SH3RF1: variants seen among roughly 807,000 people sequenced by gnomAD.
SH3RF1 encodes SH3 domain containing ring finger 1.
A neutral mutation model predicts 74.0 loss-of-function variants in SH3RF1; 32 were observed. The ratio of observed to expected loss-of-function variants is 0.43; its 90% CI spans 0.33 to 0.58. The LOEUF (loss-of-function observed/expected upper bound fraction) is 0.58, where lower values mean the gene tolerates loss of function less well. SH3RF1 is among the 20% of genes least tolerant of loss of function. The pLI is 0.05. For synonymous variants in SH3RF1, 396 were observed against 439.6 expected (o/e 0.90, Z 1.24); for missense variants, 954 against 1,130.9 (o/e 0.84, Z 2.24).
Position 169,112,098 on chromosome 4 carries a change from C to T in SH3RF1, c.2139+4171G>A, listed in dbSNP as rs1032118873. 1.2e-4 allele frequency among the ~76,000 whole-genome samples: 18 copies of T among 152,120 alleles called. 1 individual carries two copies. The highest frequency in any genetic ancestry group is 4.3e-4 in the African/African-American group (18 of 41,432). ...AGAGAAAAGGAGGGGGCAATAGACA[C>T]GCTATCATGTGGGAGATGTACCATG... On this transcript the variant is annotated intron_variant, in intron 10 of 11. Coordinates refer to ENST00000284637, the MANE Select transcript of SH3RF1 (RefSeq NM_020870.4).
chr4:169,131,748 G>A (rs1314130890), intron 5 of SH3RF1, among the ~76,000 whole-genome samples: 21 of 152,224 alleles, frequency 1.4e-4, no homozygotes. Context: ...GTTGCTTTCT[G>A]TAACCAATCA....
At chr4:169,256,305 A>AG (rs1357963564) in intron 2 of SH3RF1, among the ~76,000 whole-genome samples, 2 of 151,342 alleles carry the variant, frequency 1.3e-5, no homozygotes, top group African/African-American at 4.8e-5. Flanking sequence ...GAGGAAGGGA[A>AG]GGAGGAAGGA....
chr4:169,146,056 TATA>T (rs577945380), intron 4 of SH3RF1, among the ~76,000 whole-genome samples: 4 of 86,452 alleles, frequency 4.6e-5, no homozygotes, highest in African/African-American at 2.0e-4. Context: ...TATAAAATAT[TATA>T]TATTCTATAT....
At chr4:169,224,766 T>C (rs1453948988) in intron 2 of SH3RF1, among the ~76,000 whole-genome samples, 2 of 152,174 alleles carry the variant, frequency 1.3e-5, no homozygotes, top group African/African-American at 4.8e-5. Context: ...TGCTCAGATG[T>C]AATAAGATGA....
intron 2 of SH3RF1, among the ~76,000 whole-genome samples, chr4:169,229,362 A>G (rs1730697909): frequency 6.6e-6 from 1 of 152,152 alleles, no homozygotes; most frequent in Non-Finnish European, 1.5e-5. Flanking sequence ...TCTTCAAAAC[A>G]GCAATCTAAA....
chr4:169,263,891 CCTGT>C (rs1464385124), intron 2 of SH3RF1, among the ~76,000 whole-genome samples: 4 of 152,192 alleles, frequency 2.6e-5, no homozygotes, highest in Non-Finnish European at 4.4e-5. Flanking sequence ...TTATAACATG[CCTGT>C]CTATTTTAAG....
intron 10 of SH3RF1, among the ~76,000 whole-genome samples, chr4:169,111,600 TATATAC>T (rs1359291662): frequency 6.6e-6 from 1 of 151,972 alleles, no homozygotes; most frequent in African/African-American, 2.4e-5. Context: ...CAATAAAACA[TATATAC>T]ATATACATAA....
Position 169,224,613 on chromosome 4 carries a change from C to T in SH3RF1, c.393+44207G>A, listed in dbSNP as rs376631943. 2.8e-3 allele frequency among the ~76,000 whole-genome samples: 421 copies of T among 152,324 alleles called. 2 individuals carry two copies. The highest frequency in any genetic ancestry group is 9.5e-3 in the African/African-American group (395 of 41,568). On this transcript the variant is annotated intron_variant, in intron 2 of 11. Transcript: ENST00000284637. ...GATTACAGGCGTGAACCACCACCAC[C>T]GACCTCTAATTTCTATCTTTAAAAA...
intron 2 of SH3RF1, among the ~76,000 whole-genome samples, chr4:169,226,341 A>T (rs1264012450): frequency 1.3e-5 from 2 of 152,228 alleles, no homozygotes; most frequent in Non-Finnish European, 2.9e-5. Context: ...GCAAATTCAT[A>T]AATCAAAAGC....
At chr4:169,140,764 T>G (rs1379207144) in intron 4 of SH3RF1, among the ~76,000 whole-genome samples, 1 of 152,134 alleles carries the variant, frequency 6.6e-6, no homozygotes, top group Non-Finnish European at 1.5e-5. Flanking sequence ...AAGAACTAAG[T>G]TGAATAGTTA....
chr4:169,115,842 C>T (rs1448357425), intron 10 of SH3RF1, among the ~76,000 whole-genome samples: 1 of 152,104 alleles, frequency 6.6e-6, no homozygotes, highest in Non-Finnish European at 1.5e-5. Flanking sequence ...CCCCCTCACA[C>T]ATATATATTT....
At chr4:169,221,350 G>A (rs1730561201) in intron 2 of SH3RF1, among the ~76,000 whole-genome samples, 1 of 152,018 alleles carries the variant, frequency 6.6e-6, no homozygotes, top group South Asian at 2.1e-4. Flanking sequence ...TGTGATAGAC[G>A]ATCAACCAGC....
intron 2 of SH3RF1, among the ~76,000 whole-genome samples, chr4:169,245,645 A>T (rs1427392944): frequency 6.6e-6 from 1 of 152,254 alleles, no homozygotes; most frequent in African/African-American, 2.4e-5. Flanking sequence ...TAGCAATGAT[A>T]GTAAACCTCA....
At chr4:169,146,385 A>G (rs1349421467) in intron 4 of SH3RF1, among the ~76,000 whole-genome samples, 1 of 151,412 alleles carries the variant, frequency 6.6e-6, no homozygotes, top group African/African-American at 2.4e-5. Flanking sequence ...GCATGCCACC[A>G]CGCCCAGCTT....
intron 4 of SH3RF1, among the ~76,000 whole-genome samples, chr4:169,143,280 T>G (rs1454704972): frequency 6.6e-6 from 1 of 152,210 alleles, no homozygotes; most frequent in Non-Finnish European, 1.5e-5. Context: ...GCCCAATGTA[T>G]CTACACTATG....
chr4:169,207,549 G>T (rs1730281279), intron 2 of SH3RF1, among the ~76,000 whole-genome samples: 1 of 152,062 alleles, frequency 6.6e-6, no homozygotes, highest in South Asian at 2.1e-4. Flanking sequence ...ATTACACTCT[G>T]GCCTCTGAAT....
At chr4:169,234,806 TTGGCACTAC>T (rs1305278948) in intron 2 of SH3RF1, among the ~76,000 whole-genome samples, 1 of 152,228 alleles carries the variant, frequency 6.6e-6, no homozygotes, top group African/African-American at 2.4e-5. Flanking sequence ...TTTCTCAGTC[TTGGCACTAC>T]TGACATTTGG....
Position 169,095,943 on chromosome 4 carries a change from T to C in SH3RF1, c.*576A>G, listed in dbSNP as rs1351682387. On this transcript the variant is annotated 3_prime_UTR_variant, in exon 12 of 12. Transcript: ENST00000284637. Reference sequence around the variant, plus strand: ...CCTAATTGATACTGATTCATTTGTATGTTTGGTTTCCCAAAGAAGAAAACC... The same window carrying C: ...CCTAATTGATACTGATTCATTTGTACGTTTGGTTTCCCAAAGAAGAAAACC... 6.6e-6 allele frequency: 1 copy of C among 152,208 alleles called. No homozygotes were observed. The highest frequency in any genetic ancestry group is 1.5e-5 in the Non-Finnish European group (1 of 68,056). 9.4% of individuals were successfully genotyped at this position (152,208 alleles called of 1,614,324 possible). A position where few individuals can be genotyped will look rare whatever the true frequency, so the allele number is the denominator to read the frequency against.
At chr4:169,266,017 G>T (rs904256768) in intron 2 of SH3RF1, among the ~76,000 whole-genome samples, 10 of 152,012 alleles carry the variant, frequency 6.6e-5, no homozygotes, top group African/African-American at 2.4e-4. Flanking sequence ...TCTCCCTATG[G>T]CTCATTCCAC....
Sources: allele counts gnomAD v4.1 joint callset (sites outside exome capture counted in the v4.1 genomes callset), GRCh38; gene constraint gnomAD v4.1.1; transcripts MANE v1.5; gene names NCBI Gene and HGNC (gene_info 2026-07-23, HGNC 2026-07-21).